The following PBX1 variants were observed in gnomAD, a reference collection of about 807,000 sequenced individuals.
PBX1 encodes the protein pre-B-cell leukemia transcription factor 1.
PBX1 carries 6 observed loss-of-function variants against 53.4 expected under a neutral mutation model. The observed-to-expected ratio is 0.11, with a 90% CI of 0.06 to 0.22. The LOEUF (loss-of-function observed/expected upper bound fraction) is 0.22, where lower values mean the gene tolerates loss of function less well. Among genes scored for constraint, PBX1 ranks in the 10% least tolerant of loss-of-function variants. The pLI is 1.00. For synonymous variants in PBX1, 204 were observed against 212.3 expected (o/e 0.96, Z 0.34); for missense variants, 251 against 551.4 (o/e 0.46, Z 5.46).
intron 2 of PBX1, among the ~76,000 whole-genome samples, chr1:164,621,765 A>G (rs1369450948): frequency 1.3e-5 from 2 of 152,192 alleles, no homozygotes; most frequent in Non-Finnish European, 2.9e-5. Context: ...CTGTGGTTCC[A>G]TAATGTAAGA....
chr1:164,717,587 G>A (rs1248379687), intron 2 of PBX1, among the ~76,000 whole-genome samples: 1 of 152,150 alleles, frequency 6.6e-6, no homozygotes, highest in Non-Finnish European at 1.5e-5. Flanking sequence ...AGCTACTCGA[G>A]CAGGTGTGCA....
chr1:164,601,627 C>G (rs554926969), intron 2 of PBX1, among the ~76,000 whole-genome samples: 1 of 152,168 alleles, frequency 6.6e-6, no homozygotes, highest in Middle Eastern at 3.2e-3. Context: ...TTTGGCAGAA[C>G]AGGGCATGGT....
intron 2 of PBX1, among the ~76,000 whole-genome samples, chr1:164,573,289 T>C (rs1200316739): frequency 6.6e-6 from 1 of 152,082 alleles, no homozygotes; most frequent in Non-Finnish European, 1.5e-5. Flanking sequence ...TTAAATTTTT[T>C]AGTAGCCCCA....
chr1:164,810,215 T>C (rs1458844988), intron 5 of PBX1, among the ~76,000 whole-genome samples: 3 of 152,204 alleles, frequency 2.0e-5, no homozygotes, highest in African/African-American at 7.2e-5. Context: ...AAACCTACTA[T>C]TCTTTCTGTA....
chr1:164,817,473 T>C (rs935371948), intron 6 of PBX1: 13 of 152,212 alleles, frequency 8.5e-5, no homozygotes, highest in African/African-American at 2.9e-4. Flanking sequence ...TAGATACTTA[T>C]CAGAGAGTGA....
intron 2 of PBX1, among the ~76,000 whole-genome samples, chr1:164,727,442 T>C (rs1041823894): frequency 6.6e-6 from 1 of 152,254 alleles, no homozygotes; most frequent in African/African-American, 2.4e-5. Context: ...TAACATAGTT[T>C]AGAAAGTTCT....
Position 164,731,455 on chromosome 1 carries a change from G to A in PBX1, c.266-61039G>A, listed in dbSNP as rs563884014. On this transcript the variant is annotated intron_variant, in intron 2 of 8. Coordinates refer to ENST00000420696, the MANE Select transcript of PBX1 (RefSeq NM_002585.4). ...CCGGGCAAACCCAACCACCCTGCTGGATATGAAGGGACTCCCTCATATTGT... is the reference window on the plus strand; with the variant it reads ...CCGGGCAAACCCAACCACCCTGCTGAATATGAAGGGACTCCCTCATATTGT... Among the ~76,000 whole-genome samples the A allele has an allele frequency of 2.0e-5, 3 of 152,310 alleles. 1 individual carries two copies. Among genetic ancestry groups the A allele is most frequent in the South Asian group, 4.1e-4 (2 of 4,826 alleles).
chr1:164,710,774 A>G (rs1259484050), intron 2 of PBX1, among the ~76,000 whole-genome samples: 3 of 152,224 alleles, frequency 2.0e-5, no homozygotes, highest in East Asian at 3.9e-4. Context: ...AGAGGGGAGT[A>G]AAATAGAGAA....
chr1:164,762,103 T>A (rs1666844328), intron 2 of PBX1, among the ~76,000 whole-genome samples: 1 of 152,210 alleles, frequency 6.6e-6, no homozygotes, highest in Non-Finnish European at 1.5e-5. Context: ...GGCTCAACAT[T>A]GTTTCACCCT....
chr1:164,837,646 G>C (rs1477470685), intron 8 of PBX1, among the ~76,000 whole-genome samples: 4 of 152,152 alleles, frequency 2.6e-5, no homozygotes, highest in Non-Finnish European at 5.9e-5. Context: ...CTGCACTAAG[G>C]CACCTTTGTT....
At chr1:164,600,338 A>G (rs1321140736) in intron 2 of PBX1, among the ~76,000 whole-genome samples, 5 of 134,952 alleles carry the variant, frequency 3.7e-5, no homozygotes, top group Admixed American at 9.1e-5. Flanking sequence ...CGCAACCTCC[A>G]CCTCCTGGGT....
chr1:164,829,677 T>G (rs920653844), intron 8 of PBX1: 1 of 152,024 alleles, frequency 6.6e-6, no homozygotes, highest in African/African-American at 2.4e-5. Context: ...ATGCTGGGCT[T>G]AATACCTAGG....
intron 2 of PBX1, among the ~76,000 whole-genome samples, chr1:164,688,621 G>T (rs993795136): frequency 1.3e-5 from 2 of 151,950 alleles, no homozygotes; most frequent in Non-Finnish European, 2.9e-5. Flanking sequence ...CTCACACCAG[G>T]GCCATGACCT....
chr1:164,663,276 G>GCCTGCCTT (rs1660615327), intron 2 of PBX1, among the ~76,000 whole-genome samples: 3 of 146,370 alleles, frequency 2.0e-5, no homozygotes, highest in African/African-American at 2.5e-5. Flanking sequence ...CTGCCTGCCT[G>GCCTGCCTT]CCTGCCTTCC....
At chr1:164,756,923 A>G (rs12728450) in intron 2 of PBX1, among the ~76,000 whole-genome samples, 52,795 of 152,114 alleles carry the variant, frequency 0.35, 9,368 homozygotes, top group Non-Finnish European at 0.39. Flanking sequence ...GTATTTATGA[A>G]GCAACTCATT....
At chr1:164,593,155 G>A (rs554057485) in intron 2 of PBX1, among the ~76,000 whole-genome samples, 5 of 151,872 alleles carry the variant, frequency 3.3e-5, no homozygotes, top group South Asian at 2.1e-4. Context: ...ATGGGGTTTC[G>A]CCATGTTGCC....
At chr1:164,721,437 G>A (rs951208074) in intron 2 of PBX1, among the ~76,000 whole-genome samples, 2 of 152,096 alleles carry the variant, frequency 1.3e-5, no homozygotes, top group African/African-American at 4.8e-5. Context: ...TAGTGTGTGT[G>A]TGTGTGTGTG....
At chr1:164,767,832 C>A (rs1373403643) in intron 2 of PBX1, among the ~76,000 whole-genome samples, 2 of 152,122 alleles carry the variant, frequency 1.3e-5, no homozygotes, top group Admixed American at 1.3e-4. Context: ...ACACAAAAAT[C>A]ACATCTGCCA....
At chr1:164,748,245 G>A (rs553484390) in intron 2 of PBX1, among the ~76,000 whole-genome samples, 9 of 152,302 alleles carry the variant, frequency 5.9e-5, no homozygotes, top group East Asian at 3.9e-4. Flanking sequence ...TACAAAAGGT[G>A]TGTGTGTCTC....
Sources: allele counts gnomAD v4.1 joint callset (sites outside exome capture counted in the v4.1 genomes callset), GRCh38; gene constraint gnomAD v4.1.1; transcripts MANE v1.5; gene names NCBI Gene and HGNC (gene_info 2026-07-23, HGNC 2026-07-21).